The following SENP6 variants were observed in gnomAD, a reference collection of about 807,000 sequenced individuals.
The protein encoded by SENP6 is SUMO specific peptidase 6, also known as sentrin-specific protease 6.
In SENP6, 41 loss-of-function variants were observed where a neutral mutation model predicts 134.5. That is an observed-to-expected ratio of 0.30 (90% CI 0.24 to 0.40). The LOEUF (loss-of-function observed/expected upper bound fraction) is 0.40, where lower values mean the gene tolerates loss of function less well. Among genes scored for constraint, SENP6 ranks in the 10% least tolerant of loss-of-function variants. The pLI is 1.00. For missense variants in SENP6, 1,248 were observed against 1,312.5 expected, an observed-to-expected ratio of 0.95 and a Z score of 0.76; for synonymous variants, 395 against 429.8, an observed-to-expected ratio of 0.92 and a Z score of 1.00.
intron 14 of SENP6, 54 bp from the exon 15 acceptor site, chr6:75,678,529 T>C: frequency 1.1e-6 from 1 of 877,680 alleles, no homozygotes; most frequent in Non-Finnish European, 1.9e-6. Flanking sequence ...TTACCCTTTT[T>C]ATTGAAACTT....
Position 75,617,988 on chromosome 6 carries a change from A to G in SENP6, c.53-3544A>G, listed in dbSNP as rs148266723. ...GAAAGGATCACAGTGCTGAAGTGCT[A>G]TTTTCATCATACCATATTAAAGGGT... On this transcript the variant is annotated intron_variant, in intron 1 of 23. Coordinates refer to ENST00000447266, the MANE Select transcript of SENP6 (RefSeq NM_015571.4). Among the ~76,000 whole-genome samples the G allele has an allele frequency of 5.3e-5, 8 of 152,288 alleles. No individual in the cohort carries two copies. In the East Asian group the frequency reaches 5.8e-4, roughly 11 times the overall value.
chr6:75,695,977 A>C, intron 17 of SENP6, 54 bp downstream of exon 17: 1 of 1,473,338 alleles, frequency 6.8e-7, no homozygotes, highest in South Asian at 1.3e-5. Flanking sequence ...CATTTAACTA[A>C]GTGAAAAATC....
chr6:75,602,728 G>GC, intron 1 of SENP6, 152 bp downstream of exon 1: 1 of 870,494 alleles, frequency 1.1e-6, no homozygotes, highest in Non-Finnish European at 1.8e-6. Context: ...AGTGTGCTGC[G>GC]AGCGCACCTG....
At chr6:75,632,011 T>C (rs1372810915) in intron 3 of SENP6, among the ~76,000 whole-genome samples, 1 of 152,186 alleles carries the variant, frequency 6.6e-6, no homozygotes, top group Non-Finnish European at 1.5e-5. Context: ...TTTTTGTTTC[T>C]GGGAGCGTGT....
At chr6:75,633,004 T>C (rs1769224616) in intron 3 of SENP6, among the ~76,000 whole-genome samples, 1 of 152,210 alleles carries the variant, frequency 6.6e-6, no homozygotes, top group Non-Finnish European at 1.5e-5. Context: ...TGTCCTGTAA[T>C]TTTATAATTG....
chr6:75,624,108 A>G, intron 3 of SENP6, 148 bp downstream of exon 3: 1 of 605,278 alleles, frequency 1.7e-6, no homozygotes, highest in Non-Finnish European at 2.8e-6. Context: ...GTTATTTATC[A>G]CTTTGGGAAT....
chr6:75,673,339 T>TG (rs1554170637), intron 11 of SENP6, among the ~76,000 whole-genome samples: 2,540 of 148,904 alleles, frequency 0.017, 69 homozygotes, highest in African/African-American at 0.059. Context: ...TTTTTTTTTT[T>TG]GAGACCGAGT....
chr6:75,678,346 T>G (rs1409740326), intron 14 of SENP6: 2 of 379,928 alleles, frequency 5.3e-6, no homozygotes, highest in East Asian at 1.1e-4. Flanking sequence ...AGTAAGATAC[T>G]GGAAAATTAC....
At position 75,715,252 on chromosome 6, in the gene SENP6, G is replaced by A. The variant is rs1775965435; in HGVS notation, c.3130-133G>A. On this transcript the variant is annotated intron_variant, in intron 23 of 23. Transcript: ENST00000447266. ...CAATACCTAACACAGTACTTGGCAT[G>A]TGATAGATAATACAGAAATACATAT... The A allele has an allele frequency of 6.0e-6, 4 of 670,994 alleles. No individual in the cohort carries two copies. In the South Asian group the frequency reaches 7.3e-5, roughly 12 times the overall value. The allele number at this position is 670,994 out of a possible 1,614,324, so 41.6% of individuals were successfully genotyped here.
intron 21 of SENP6, among the ~76,000 whole-genome samples, chr6:75,711,952 C>T (rs1002394701): frequency 6.6e-6 from 1 of 152,198 alleles, no homozygotes; most frequent in Non-Finnish European, 1.5e-5. Context: ...GGATTACAGG[C>T]GTGACCCATC....
At chr6:75,683,896 A>C (rs1339785783) in intron 16 of SENP6, among the ~76,000 whole-genome samples, 1 of 152,154 alleles carries the variant, frequency 6.6e-6, no homozygotes, top group Admixed American at 6.5e-5. Flanking sequence ...TTTTGGTTCC[A>C]TATGAACTTT....
intron 11 of SENP6, among the ~76,000 whole-genome samples, chr6:75,671,506 G>A (rs368173869): frequency 3.3e-5 from 5 of 152,134 alleles, no homozygotes; most frequent in African/African-American, 1.2e-4. Flanking sequence ...GCTGGATCAC[G>A]AGGTCAGGAG....
At chr6:75,700,197 C>T (rs907440858) in intron 18 of SENP6, among the ~76,000 whole-genome samples, 11 of 152,122 alleles carry the variant, frequency 7.2e-5, no homozygotes, top group Admixed American at 2.6e-4. Flanking sequence ...AGGCATGAGC[C>T]ACTGCGCCTG....
chr6:75,677,434 C>T, intron 14 of SENP6, 178 bp downstream of exon 14: 1 of 521,022 alleles, frequency 1.9e-6, no homozygotes, highest in Non-Finnish European at 3.4e-6. Flanking sequence ...TGGGTAGGTG[C>T]CAAATACCAC....
chr6:75,680,124 ATTGT>A (rs2149881436), intron 16 of SENP6, among the ~76,000 whole-genome samples: 1 of 152,318 alleles, frequency 6.6e-6, no homozygotes, highest in South Asian at 2.1e-4. Flanking sequence ...ATGAGGTAGA[ATTGT>A]TTACTATATA....
intron 1 of SENP6, among the ~76,000 whole-genome samples, chr6:75,617,910 G>T (rs773492423): frequency 7.9e-5 from 12 of 152,134 alleles, no homozygotes; most frequent in Non-Finnish European, 1.6e-4. Context: ...TGTCCCTCAG[G>T]TTGGGTTTGT....
Position 75,678,561 on chromosome 6 carries a change from CTAATT to C in SENP6, c.1849-15_1849-11del. 8.8e-7 allele frequency: 1 copy of C among 1,142,254 alleles called. No individual in the cohort carries two copies. The allele number at this position is 1,142,254 out of a possible 1,614,324, so 70.8% of individuals were successfully genotyped here. A position where few individuals can be genotyped will look rare whatever the true frequency, so the allele number is the denominator to read the frequency against. ...ACTTTTCCTAATTGACTGTAAATTG[CTAATT>C]TAATTTCCTTTACCAGGTATCATTT... On this transcript the variant is annotated splice_polypyrimidine_tract_variant and intron_variant, in intron 14 of 23. Coordinates refer to ENST00000447266, the MANE Select transcript of SENP6 (RefSeq NM_015571.4).
At chr6:75,651,399 G>A (rs1470209306) in intron 7 of SENP6, among the ~76,000 whole-genome samples, 1 of 152,090 alleles carries the variant, frequency 6.6e-6, no homozygotes, top group Non-Finnish European at 1.5e-5. Context: ...TATTACCCAG[G>A]CTTGGAGTAC....
chr6:75,661,615 A>G (rs1394166310), intron 8 of SENP6, among the ~76,000 whole-genome samples: 4 of 152,206 alleles, frequency 2.6e-5, no homozygotes, highest in African/African-American at 9.7e-5. Flanking sequence ...TCCTATGCCA[A>G]TTGTTCTTAC....
Sources: allele counts gnomAD v4.1 joint callset (sites outside exome capture counted in the v4.1 genomes callset), GRCh38; gene constraint gnomAD v4.1.1; transcripts MANE v1.5; gene names NCBI Gene and HGNC (gene_info 2026-07-23, HGNC 2026-07-21).